Variants in KIAA1671 observed in about 807,000 individuals in gnomAD.
The protein encoded by KIAA1671 is uncharacterized protein KIAA1671.
A neutral mutation model predicts 131.2 loss-of-function variants in KIAA1671; 52 were observed. The observed-to-expected ratio is 0.40, with a 90% CI of 0.32 to 0.50. KIAA1671 has a LOEUF of 0.50. Ranked by LOEUF, KIAA1671 falls within the 20% of genes least tolerant of loss-of-function variation. KIAA1671 has a pLI of 0.73. For synonymous variants in KIAA1671, 1,003 were observed against 961.6 expected, an observed-to-expected ratio of 1.04 and a Z score of -0.80; for missense variants, 2,360 against 2,364.2, an observed-to-expected ratio of 1.00 and a Z score of 0.04.
rs1360461585 is a variant in KIAA1671, at chr22:25,028,262, C to T, written c.263C>T (p.Ser88Leu). 1.5e-5 allele frequency: 24 copies of T among 1,551,466 alleles called. No homozygotes were observed. Among genetic ancestry groups the T allele is most frequent in the African/African-American group, 2.7e-5 (2 of 73,054 alleles). The change falls in exon 3 of 13, where the codon TCG becomes TTG. Residue 88 changes from serine (S) to leucine (L), a missense_variant. Ser to Leu is a moderately radical substitution (Grantham distance 145, BLOSUM62 -2). Transcript: ENST00000358431. ...KSPVPSLRPS[S>L]TGPSPSGGLS... ...CCTGTCCCGTCTCTGCGGCCCAGTT[C>T]GACTGGACCTTCCCCCTCTGGGGGG... is the stretch of plus-strand genomic sequence containing the variant.
At chr22:25,021,231 T>C (rs959900433) in intron 1 of KIAA1671, among the ~76,000 whole-genome samples, 110 of 152,196 alleles carry the variant, frequency 7.2e-4, no homozygotes, top group Middle Eastern at 3.4e-3. Flanking sequence ...CTAATTTTTG[T>C]ATTTTTTAGT....
chr22:24,994,453 G>A (rs947353988), intron 1 of KIAA1671, among the ~76,000 whole-genome samples: 1 of 152,168 alleles, frequency 6.6e-6, no homozygotes, highest in African/African-American at 2.4e-5. Context: ...TCCGACTTGA[G>A]TGCTAGGTAG....
chr22:25,077,961 G>T (rs1026892261), intron 6 of KIAA1671, among the ~76,000 whole-genome samples: 1 of 152,176 alleles, frequency 6.6e-6, no homozygotes, highest in African/African-American at 2.4e-5. Context: ...GCCTCAGTGT[G>T]TGGGATCTTG....
intron 11 of KIAA1671, among the ~76,000 whole-genome samples, chr22:25,189,798 A>G (rs1934609423): frequency 6.6e-6 from 1 of 151,296 alleles, no homozygotes; most frequent in African/African-American, 2.4e-5. Flanking sequence ...TTTTGTGGAG[A>G]ATGGGGTCTC....
chr22:25,156,666 A>C (rs1933256895), intron 6 of KIAA1671, among the ~76,000 whole-genome samples: 1 of 151,826 alleles, frequency 6.6e-6, no homozygotes, highest in Non-Finnish European at 1.5e-5. Context: ...ATCTATGTGT[A>C]TGTGTTTTGT....
chr22:25,020,878 AGGATCT>A (rs1925630300), intron 1 of KIAA1671, among the ~76,000 whole-genome samples: 1 of 152,166 alleles, frequency 6.6e-6, no homozygotes. Context: ...GGAGACGAAG[AGGATCT>A]GGATCCTGTA....
intron 1 of KIAA1671, chr22:25,010,870 C>G (rs1924996845): frequency 6.6e-6 from 1 of 152,216 alleles, no homozygotes; most frequent in South Asian, 2.1e-4. Context: ...TTCCATGTCA[C>G]TATCCTTAAA....
At chr22:25,082,082 G>A (rs1929439857) in intron 6 of KIAA1671, among the ~76,000 whole-genome samples, 1 of 152,118 alleles carries the variant, frequency 6.6e-6, no homozygotes, top group African/African-American at 2.4e-5. Context: ...GTAGGCAAAT[G>A]GATTTTCCAG....
chr22:25,165,055 G>A (rs1348648794), intron 6 of KIAA1671, among the ~76,000 whole-genome samples: 5 of 150,890 alleles, frequency 3.3e-5, no homozygotes, highest in Admixed American at 6.6e-5. Context: ...GTAGCTCTGG[G>A]GCTAAGCTCA....
In KIAA1671 at chr22:25,190,798, C is replaced by T. The variant is rs1400992960; in HGVS notation, c.*4+14C>T. 6.5e-7 allele frequency: 1 copy of T among 1,531,484 alleles called. No individual in the cohort carries two copies. The highest frequency in any genetic ancestry group is 8.9e-7 in the Non-Finnish European group (1 of 1,128,784). The allele number at this position is 1,531,484 out of a possible 1,614,324, so 94.9% of individuals were successfully genotyped here. ...AAGTTTGACCAGGTATGAAGGGGCT[C>T]TGTTGGGGAACCTGGGAAGAGCCCT... is the stretch of plus-strand genomic sequence containing the variant. On this transcript the variant is annotated intron_variant, in intron 12 of 12. Coordinates refer to ENST00000358431, the MANE Select transcript of KIAA1671 (RefSeq NM_001145206.2).
At chr22:25,099,082 T>C (rs1076047) in intron 6 of KIAA1671, among the ~76,000 whole-genome samples, 118,091 of 152,134 alleles carry the variant, frequency 0.78, 46,750 homozygotes, top group African/African-American at 0.94. Flanking sequence ...GCCCAGAGAG[T>C]GGAAGCTGTT....
chr22:25,107,717 A>G (rs968837820), intron 6 of KIAA1671, among the ~76,000 whole-genome samples: 2 of 151,640 alleles, frequency 1.3e-5, no homozygotes, highest in Admixed American at 1.3e-4. Flanking sequence ...GTGCATTTCA[A>G]AATAAATTAT....
At chr22:25,101,003 G>A (rs1389278453) in intron 6 of KIAA1671, among the ~76,000 whole-genome samples, 2 of 152,222 alleles carry the variant, frequency 1.3e-5, no homozygotes, top group Admixed American at 6.5e-5. Flanking sequence ...ACATTGCTTA[G>A]GGGAGGTCAT....
chr22:24,961,379 C>T (rs8135694), intron 1 of KIAA1671, among the ~76,000 whole-genome samples: 9 of 152,330 alleles, frequency 5.9e-5, no homozygotes, highest in South Asian at 2.1e-4. Context: ...TCTGGACATA[C>T]GTGGTCCCTG....
At chr22:25,148,536 A>G (rs998091496) in intron 6 of KIAA1671, among the ~76,000 whole-genome samples, 2 of 152,218 alleles carry the variant, frequency 1.3e-5, no homozygotes, top group Non-Finnish European at 2.9e-5. Context: ...TGTAGGGCTT[A>G]TCAGGGAACA....
At position 25,040,333 on chromosome 22, in the gene KIAA1671, C is replaced by T. The variant is rs1375716527; in HGVS notation, c.3203C>T (p.Thr1068Ile). The T allele has an allele frequency of 1.9e-6, 3 of 1,551,702 alleles. No individual in the cohort carries two copies. Among genetic ancestry groups the T allele is most frequent in the Admixed American group, 2.0e-5 (1 of 50,994 alleles). Residue 1068 changes from threonine to isoleucine, a missense_variant, in exon 5 of 13, where the codon ACA becomes ATA. Around this residue, in one of 3 missense-constraint regions of KIAA1671, gnomAD observed 1,161 missense variants for 1,204.7 expected, o/e 0.96. Transcript: ENST00000358431. Reference protein sequence around the residue: ...ITPPSSPHSLTSTLVSLGHEE... With the variant: ...ITPPSSPHSLISTLVSLGHEE... ...CCACCCTCGTCTCCTCATTCTTTAA[C>T]ATCCACTTTGGTTTCTCTTGGTCAT... is the stretch of plus-strand genomic sequence containing the variant.
chr22:24,953,778 C>T lies in KIAA1671; in HGVS notation c.-208+1006C>T, dbSNP rs548793422. Reference sequence around the variant, plus strand: ...GGCGTGTGACCTCCACCGCGCGACGCCTAGGTGGCTAGGGCTTCCTGCCTG... The same window carrying T: ...GGCGTGTGACCTCCACCGCGCGACGTCTAGGTGGCTAGGGCTTCCTGCCTG... On this transcript the variant is annotated intron_variant, in intron 1 of 12. Transcript: ENST00000358431. 4.6e-5 allele frequency among the ~76,000 whole-genome samples: 7 copies of T among 152,304 alleles called. No individual in the cohort carries two copies. In the South Asian group the frequency reaches 1.2e-3, roughly 27 times the overall value.
At chr22:25,093,748 C>CTCTCTTTCTCTCTCTCTCTCTG (rs1930185200) in intron 6 of KIAA1671, among the ~76,000 whole-genome samples, 2 of 111,418 alleles carry the variant, frequency 1.8e-5, no homozygotes, top group African/African-American at 7.5e-5. Context: ...CTCTCTCTCT[C>CTCTCTTTCTCTCTCTCTCTCTG]TCTCTCTCTC....
intron 1 of KIAA1671, among the ~76,000 whole-genome samples, chr22:25,017,149 G>T (rs1925372207): frequency 6.6e-6 from 1 of 152,176 alleles, no homozygotes; most frequent in African/African-American, 2.4e-5. Context: ...TTGGGAGGCT[G>T]AGGTGGGTGG....
Sources: allele counts gnomAD v4.1 joint callset (sites outside exome capture counted in the v4.1 genomes callset), GRCh38; gene constraint gnomAD v4.1.1; regional missense constraint gnomAD v4.1.1; transcripts MANE v1.5; gene names NCBI Gene and HGNC (gene_info 2026-07-23, HGNC 2026-07-21).